The following DCLRE1B variants were observed in gnomAD, a reference collection of about 807,000 sequenced individuals.
The protein encoded by DCLRE1B is DNA cross-link repair 1B.
Under a neutral mutation model 19.8 loss-of-function variants are expected in DCLRE1B, and 6 were observed. The ratio of observed to expected loss-of-function variants is 0.30; its 90% CI spans 0.17 to 0.60. The LOEUF is 0.60. DCLRE1B is among the 20% of genes least tolerant of loss of function. The pLI is 0.87. For missense variants in DCLRE1B, 622 were observed against 654.2 expected (o/e 0.95, Z 0.54); for synonymous variants, 258 against 255.7 (o/e 1.01, Z -0.09).
intron 3 of DCLRE1B, 53 bp from the exon 4 acceptor site, chr1:113,911,078 A>T: frequency 6.7e-7 from 1 of 1,485,450 alleles, no homozygotes; most frequent in South Asian, 1.3e-5. Flanking sequence ...ATTTTCCAAT[A>T]GCTTAATTTT....
rs1451921663 is a variant in DCLRE1B at position 113,912,665 on chromosome 1, T to G, written c.*474T>G. On this transcript the variant is annotated 3_prime_UTR_variant, in exon 4 of 4. Transcript: ENST00000650450. Reference sequence around the variant, plus strand: ...TTCTCAGATCAAAATCCCTAGGGAGTTCTATTTTTAAAATTATGAACTATG... The same window carrying G: ...TTCTCAGATCAAAATCCCTAGGGAGGTCTATTTTTAAAATTATGAACTATG... 2 of 152,866 alleles carry G rather than the reference T, an allele frequency of 1.3e-5. No individual in the cohort carries two copies. Among genetic ancestry groups the G allele is most frequent in the African/African-American group, 4.8e-5 (2 of 41,434 alleles). The allele number at this position is 152,866 out of a possible 1,614,324, so 9.5% of individuals were successfully genotyped here. A position where few individuals can be genotyped will look rare whatever the true frequency, so the allele number is the denominator to read the frequency against.
rs1177121401 is a variant in DCLRE1B at position 113,912,172 on chromosome 1, A to T, written c.1580A>T (p.Lys527Ile). Residue 527 changes from lysine to isoleucine, a missense_variant, in exon 4 of 4, where the codon AAA (lysine) becomes ATA (isoleucine). Around this residue, in one of 3 missense-constraint regions of DCLRE1B, gnomAD observed 382 missense variants for 412.5 expected, o/e 0.93. Coordinates refer to ENST00000650450, the MANE Select transcript of DCLRE1B (RefSeq NM_022836.4). ...AGGAGATTTGACCAGCAAGTGGAAA[A>T]ATACCATAAACCCTGCTGAAGACAG... is the stretch of plus-strand genomic sequence containing the variant. ...SSRRFDQQVE[K>I]YHKPC The T allele has an allele frequency of 6.2e-7, 1 of 1,613,120 alleles. No individual in the cohort carries two copies. The highest frequency in any genetic ancestry group is 1.1e-5 in the South Asian group (1 of 91,026).
rs200022270 is a variant in DCLRE1B at position 113,907,963 on chromosome 1, A to T, written c.356-46A>T. 246 of 1,569,996 alleles carry T rather than the reference A, an allele frequency of 1.6e-4. 1 individual carries two copies. The East Asian group carries it at 5.2e-3, about 33-fold the overall frequency. On this transcript the variant is annotated intron_variant, in intron 2 of 3. Transcript: ENST00000650450. ...TGGAGGTAGGAGAGGCTTGTCTTCTATTCTTTTGTCTCTGACCTTCTGCCC... is the reference window on the plus strand; with the variant it reads ...TGGAGGTAGGAGAGGCTTGTCTTCTTTTCTTTTGTCTCTGACCTTCTGCCC...
upstream of DCLRE1B, chr1:113,905,201 C>T (rs960449536): frequency 2.7e-5 from 9 of 333,148 alleles, no homozygotes; most frequent in African/African-American, 1.9e-4. Context: ...GTCCCGACTC[C>T]GACCTTAGGA....
Position 113,914,045 on chromosome 1 carries a change from T to A in DCLRE1B, c.*1854T>A, listed in dbSNP as rs1269576886. 2.6e-5 allele frequency: 4 copies of A among 152,210 alleles called. No homozygotes were observed. The highest frequency in any genetic ancestry group is 4.8e-5 in the African/African-American group (2 of 41,436). 9.4% of individuals were successfully genotyped at this position (152,210 alleles called of 1,614,324 possible). A position where few individuals can be genotyped will look rare whatever the true frequency, so the allele number is the denominator to read the frequency against. ...CCCATATTCAACATTTTGTGTACTGTTTTTCTAATTACATATATTACAATG... is the reference window on the plus strand; with the variant it reads ...CCCATATTCAACATTTTGTGTACTGATTTTCTAATTACATATATTACAATG... On this transcript the variant is annotated 3_prime_UTR_variant, in exon 4 of 4. Transcript: ENST00000650450.
At chr1:113,909,180 A>C (rs1267478840) in intron 3 of DCLRE1B, among the ~76,000 whole-genome samples, 1 of 152,232 alleles carries the variant, frequency 6.6e-6, no homozygotes, top group Non-Finnish European at 1.5e-5. Flanking sequence ...CCTGACACAG[A>C]AGCATTCAAT....
chr1:113,908,215 C>T, intron 3 of DCLRE1B, 24 bp downstream of exon 3: 1 of 1,606,428 alleles, frequency 6.2e-7, no homozygotes, highest in Non-Finnish European at 8.5e-7. Flanking sequence ...TTTCAGTTTC[C>T]TGTCACCTGT....
rs1669351277 is a variant in DCLRE1B at position 113,913,776 on chromosome 1, CAAA to C, written c.*1589_*1591del. 6.6e-6 allele frequency: 1 copy of C among 151,592 alleles called. No individual in the cohort carries two copies. The highest frequency in any genetic ancestry group is 2.4e-5 in the African/African-American group (1 of 41,308). 9.4% of individuals were successfully genotyped at this position (151,592 alleles called of 1,614,324 possible). A position where few individuals can be genotyped will look rare whatever the true frequency, so the allele number is the denominator to read the frequency against. On this transcript the variant is annotated 3_prime_UTR_variant, in exon 4 of 4. Coordinates refer to ENST00000650450, the MANE Select transcript of DCLRE1B (RefSeq NM_022836.4). Reference sequence around the variant, plus strand: ...TAAGAAACTTTGAAAGTCAAAAAAACAAAAAATTTTAATTCCTCGTAGATTAAT... The same window carrying C: ...TAAGAAACTTTGAAAGTCAAAAAAACAAATTTTAATTCCTCGTAGATTAAT...
chr1:113,907,264 C>A, intron 2 of DCLRE1B, 103 bp downstream of exon 2: 1 of 1,074,776 alleles, frequency 9.3e-7, no homozygotes, highest in Non-Finnish European at 1.2e-6. Context: ...CGCAGTGTTG[C>A]CGAGGCTGGT....
chr1:113,906,709 G>A (rs1484097977), intron 1 of DCLRE1B, among the ~76,000 whole-genome samples: 2 of 151,168 alleles, frequency 1.3e-5, no homozygotes, highest in Admixed American at 6.6e-5. Context: ...TAGCCAGGAT[G>A]GTCTCGATCT....
intron 1 of DCLRE1B, 56 bp downstream of exon 1, chr1:113,905,831 C>A: frequency 6.5e-7 from 1 of 1,540,306 alleles, no homozygotes; most frequent in Non-Finnish European, 8.8e-7. Flanking sequence ...GTTGGGACTT[C>A]AACCTGTCAT....
In DCLRE1B at chr1:113,911,234, G is replaced by C; in HGVS notation, c.642G>C (p.Leu214=). ...GGCGCCTGGAGTTGGTACAGCTACTGGGCCTGGCAGATGTGTTCACAGTGG... is the reference window on the plus strand; with the variant it reads ...GGCGCCTGGAGTTGGTACAGCTACTCGGCCTGGCAGATGTGTTCACAGTGG... ...SPRRLELVQL[L]GLADVFTVEE... is the part of the protein sequence containing the mutation. The change falls in exon 4 of 4, where the codon CTG becomes CTC. Residue 214 remains leucine (L), a synonymous_variant. Coordinates refer to ENST00000650450, the MANE Select transcript of DCLRE1B (RefSeq NM_022836.4). 6.2e-7 allele frequency: 1 copy of C among 1,614,148 alleles called. No individual in the cohort carries two copies. The highest frequency in any genetic ancestry group is 8.5e-7 in the Non-Finnish European group (1 of 1,180,024).
In DCLRE1B at chr1:113,908,014, T is replaced by A. The variant is rs1307971617; in HGVS notation, c.361T>A (p.Phe121Ile). The change falls in exon 3 of 4, where the codon TTT becomes ATT. Residue 121 changes from phenylalanine (F) to isoleucine (I), a missense_variant. By Grantham distance (21) the Phe-to-Ile change is conservative. Transcript: ENST00000650450. ...CCATGTACATATTCCTCCAGGTGAT[T>A]TTCGATACACACCATCCATGCTAAA... The part of the protein sequence containing the change: ...YFGTILYTGD[F>I]RYTPSMLKEP... 6.2e-7 allele frequency: 1 copy of A among 1,613,160 alleles called. No individual in the cohort carries two copies. The highest frequency in any genetic ancestry group is 8.5e-7 in the Non-Finnish European group (1 of 1,179,624).
rs764178255 is a variant in DCLRE1B at position 113,911,848 on chromosome 1, A to G, written c.1256A>G (p.Gln419Arg). The G allele has an allele frequency of 5.4e-5, 87 of 1,614,130 alleles. No individual in the cohort carries two copies. Among genetic ancestry groups the G allele is most frequent in the Non-Finnish European group, 7.1e-5 (84 of 1,180,044 alleles). ...WNKAVPFCES[Q>R]KRVTMLTAPL... The stretch of plus-strand genomic sequence containing the variant: ...AAGGCAGTGCCTTTCTGTGAGTCTC[A>G]AAAGAGGGTGACTATGTTGACGGCC... Residue 419 changes from glutamine to arginine, a missense_variant, in exon 4 of 4, where the codon CAA (glutamine) becomes CGA (arginine). Transcript: ENST00000650450.
chr1:113,909,929 T>C (rs760004329), intron 3 of DCLRE1B, among the ~76,000 whole-genome samples: 1 of 152,180 alleles, frequency 6.6e-6, no homozygotes, highest in South Asian at 2.1e-4. Flanking sequence ...ATAAAGTGGA[T>C]ATAAATAATA....
rs1168737698 is a variant in DCLRE1B, at chr1:113,907,185, T to C, written c.355+24T>C. The C allele has an allele frequency of 2.4e-6, 3 of 1,232,078 alleles. No homozygotes were observed. The South Asian group carries it at 3.8e-5, about 16-fold the overall frequency. 76.3% of individuals were successfully genotyped at this position (1,232,078 alleles called of 1,614,324 possible). On this transcript the variant is annotated intron_variant, in intron 2 of 3. Coordinates refer to ENST00000650450, the MANE Select transcript of DCLRE1B (RefSeq NM_022836.4). Reference sequence around the variant, plus strand: ...AGGTGGGCCTCTCAAGGAATCCCAGTGACTTCTCCAGACTAGATGTTTTTT... The same window carrying C: ...AGGTGGGCCTCTCAAGGAATCCCAGCGACTTCTCCAGACTAGATGTTTTTT...
chr1:113,907,197 A>T, intron 2 of DCLRE1B, 36 bp downstream of exon 2: 1 of 552,444 alleles, frequency 1.8e-6, no homozygotes, highest in Non-Finnish European at 2.7e-6. Context: ...ACTTCTCCAG[A>T]CTAGATGTTT....
rs1005873919 is a variant in DCLRE1B at position 113,913,827 on chromosome 1, T to C, written c.*1636T>C. The C allele has an allele frequency of 6.6e-6, 1 of 152,288 alleles. No homozygotes were observed. The highest frequency in any genetic ancestry group is 1.5e-5 in the Non-Finnish European group (1 of 68,050). The allele number at this position is 152,288 out of a possible 1,614,324, so 9.4% of individuals were successfully genotyped here. A position where few individuals can be genotyped will look rare whatever the true frequency, so the allele number is the denominator to read the frequency against. ...AATTGATTTGCTATCTTTTAGTTTT[T>C]TTTTCTATGCATGTAGATGTATTAA... is the stretch of plus-strand genomic sequence containing the variant. On this transcript the variant is annotated 3_prime_UTR_variant, in exon 4 of 4. Coordinates refer to ENST00000650450, the MANE Select transcript of DCLRE1B (RefSeq NM_022836.4).
In DCLRE1B at chr1:113,905,655, C is replaced by A. The variant is rs765801981; in HGVS notation, c.69C>A (p.Thr23=). ...VDFWSLRRAG[T]ARLFFLSHMH... ...TCTGGAGCCTGCGCCGGGCTGGCAC[C>A]GCACGTCTCTTCTTCTTGTCTCACA... Residue 23 remains threonine, a synonymous_variant, in exon 1 of 4, where the codon ACC becomes ACA. Transcript: ENST00000650450. 6.2e-7 allele frequency: 1 copy of A among 1,614,078 alleles called. No homozygotes were observed. Among genetic ancestry groups the A allele is most frequent in the Non-Finnish European group, 8.5e-7 (1 of 1,180,046 alleles).
Sources: gnomAD v4.1 joint callset for allele counts (sites outside exome capture counted in the v4.1 genomes callset) on GRCh38, gnomAD v4.1.1 for gene constraint, gnomAD v4.1.1 regional missense constraint, MANE v1.5 for transcripts, NCBI Gene and HGNC (gene_info 2026-07-23, HGNC 2026-07-21) for gene names.